Variants in PRDX1 observed in about 807,000 individuals in gnomAD.
PRDX1 encodes the protein peroxiredoxin 1.
A neutral mutation model predicts 20.7 loss-of-function variants in PRDX1; 19 were observed. The observed-to-expected ratio is 0.92, with a 90% CI of 0.64 to 1.35. The LOEUF is 1.35. PRDX1 is among the 40% of genes most tolerant of loss of function. The probability of loss-of-function intolerance (pLI) is 0.00; values close to 1 mark genes in which losing one functional copy is unlikely to be tolerated. For synonymous variants in PRDX1, 89 were observed against 83.9 expected (o/e 1.06, Z -0.33); for missense variants, 226 against 240.0 (o/e 0.94, Z 0.38).
intron 4 of PRDX1, 26 bp downstream of exon 4, chr1:45,514,847 A>T: frequency 5.6e-6 from 9 of 1,613,442 alleles, no homozygotes; most frequent in Non-Finnish European, 7.6e-6. Context: ...CTTTCAGCCA[A>T]CTGGATACTT....
chr1:45,521,296 C>T (rs1643910810), intron 1 of PRDX1, among the ~76,000 whole-genome samples: 2 of 152,322 alleles, frequency 1.3e-5, no homozygotes, highest in African/African-American at 4.8e-5. Context: ...CTGGAGAAAG[C>T]ACCAGCAGAG....
At chr1:45,518,737 T>C (rs1643882155) in intron 2 of PRDX1, among the ~76,000 whole-genome samples, 1 of 152,204 alleles carries the variant, frequency 6.6e-6, no homozygotes, top group Non-Finnish European at 1.5e-5. Flanking sequence ...GCATGTGGTT[T>C]CTCCAGAAGT....
At chr1:45,520,205 C>CAAAA (rs59260423) in intron 1 of PRDX1, among the ~76,000 whole-genome samples, 4 of 91,038 alleles carry the variant, frequency 4.4e-5, no homozygotes, top group Admixed American at 2.1e-4. Context: ...ACTCTGTCTC[C>CAAAA]AAAAAAAAAA....
chr1:45,516,405 C>A (rs1643862757), intron 2 of PRDX1, among the ~76,000 whole-genome samples: 1 of 152,128 alleles, frequency 6.6e-6, no homozygotes, highest in South Asian at 2.1e-4. Flanking sequence ...GGGAGGATCC[C>A]TTGACCCCAG....
rs1363177911 is a variant in PRDX1 at position 45,514,634 on chromosome 1, G to T, written c.387C>A (p.Gly129=). 1 of 1,613,632 alleles carries T rather than the reference G, an allele frequency of 6.2e-7. No homozygotes were observed. Among genetic ancestry groups the T allele is most frequent in the Admixed American group, 1.7e-5 (1 of 59,982 alleles). The change falls in exon 5 of 6, where the codon GGC becomes GGA. Residue 129 remains glycine, a synonymous_variant. Transcript: ENST00000319248. ...LKADEGISFR[G]LFIIDDKGIL... ...TACCCTTATCATCAATGATAAAAAG[G>T]CCCCTGGGAAAAGAGATGAAAGGAA...
At position 45,511,256 on chromosome 1, in the gene PRDX1, G is replaced by GAAA; in HGVS notation, c.*70_*72dup. ...TCTGAAGTCTTGTGTTTTACTAATG[G>GAAA]AAAAAAAAAATACAGAAGAGGTTTT... On this transcript the variant is annotated 3_prime_UTR_variant, in exon 6 of 6. Transcript: ENST00000319248. 1 of 1,180,616 alleles carries GAAA rather than the reference G, an allele frequency of 8.5e-7. No homozygotes were observed. Among genetic ancestry groups the GAAA allele is most frequent in the Admixed American group, 2.5e-5 (1 of 40,160 alleles). 73.1% of individuals were successfully genotyped at this position (1,180,616 alleles called of 1,614,324 possible).
At chr1:45,520,830 G>C (rs1643905227) in intron 1 of PRDX1, among the ~76,000 whole-genome samples, 1 of 151,994 alleles carries the variant, frequency 6.6e-6, no homozygotes, top group African/African-American at 2.4e-5. Flanking sequence ...CTTGAATTCG[G>C]GAGACAGGGG....
chr1:45,520,723 CAAAAAAA>C (rs71052895), intron 1 of PRDX1, among the ~76,000 whole-genome samples: 8 of 57,544 alleles, frequency 1.4e-4, no homozygotes, highest in African/African-American at 4.4e-4. Flanking sequence ...GACTCCGTCT[CAAAAAAA>C]AAAAAAAAAA....
intron 5 of PRDX1, 24 bp from the exon 6 acceptor site, chr1:45,511,438 T>C: frequency 6.3e-7 from 1 of 1,593,522 alleles, no homozygotes; most frequent in South Asian, 1.1e-5. Context: ...GCACCACTAA[T>C]TAATAACCTT....
At chr1:45,517,345 A>G (rs754822185) in intron 2 of PRDX1, among the ~76,000 whole-genome samples, 1 of 152,218 alleles carries the variant, frequency 6.6e-6, no homozygotes. Flanking sequence ...ACCACTGAGA[A>G]AAGGACACTT....
At chr1:45,517,067 A>G (rs1643868189) in intron 2 of PRDX1, among the ~76,000 whole-genome samples, 1 of 151,114 alleles carries the variant, frequency 6.6e-6, no homozygotes, top group African/African-American at 2.4e-5. Context: ...TTTGACATTT[A>G]CCACTTTGCA....
chr1:45,514,886 C>G lies in PRDX1; in HGVS notation c.370G>C (p.Gly124Arg), dbSNP rs765318513. 2 of 1,614,148 alleles carry G rather than the reference C, an allele frequency of 1.2e-6. No homozygotes were observed. Among genetic ancestry groups the G allele is most frequent in the African/African-American group, 2.7e-5 (2 of 75,056 alleles). Residue 124 changes from glycine to arginine, a missense_variant, in exon 4 of 6, where the codon GGC becomes CGC. Gly to Arg is a moderately radical substitution (Grantham distance 125). Transcript: ENST00000319248. Reference protein sequence around the residue: ...QDYGVLKADEGISFRGLFIID... With the variant: ...QDYGVLKADERISFRGLFIID... ...CTGATGACATACCTGAACGAGATGC[C>G]TTCATCAGCCTTTAAGACCCCATAA... is the stretch of plus-strand genomic sequence containing the variant.
At chr1:45,514,273 C>A (rs1016795380) in intron 5 of PRDX1, among the ~76,000 whole-genome samples, 6 of 152,152 alleles carry the variant, frequency 3.9e-5, no homozygotes, top group Admixed American at 1.3e-4. Context: ...TCCCCCTCTC[C>A]GAGAAACACC....
At chr1:45,515,402 A>G (rs1643839467) in intron 3 of PRDX1, among the ~76,000 whole-genome samples, 1 of 152,062 alleles carries the variant, frequency 6.6e-6, no homozygotes, top group Non-Finnish European at 1.5e-5. Flanking sequence ...GATCAAGAAC[A>G]TCCTGACTAA....
intron 1 of PRDX1, among the ~76,000 whole-genome samples, chr1:45,519,402 ACT>A (rs1231652371): frequency 6.6e-6 from 1 of 152,108 alleles, no homozygotes; most frequent in Non-Finnish European, 1.5e-5. Context: ...GCAGATGAAG[ACT>A]CTCAAACCAG....
chr1:45,520,836 A>G (rs1340441254), intron 1 of PRDX1, among the ~76,000 whole-genome samples: 1 of 149,220 alleles, frequency 6.7e-6, no homozygotes, highest in Non-Finnish European at 1.5e-5. Flanking sequence ...TTCGGGAGAC[A>G]GGGGTTGCAG....
chr1:45,521,191 T>C (rs1025233586), intron 1 of PRDX1, among the ~76,000 whole-genome samples: 1 of 152,066 alleles, frequency 6.6e-6, no homozygotes, highest in Non-Finnish European at 1.5e-5. Context: ...GCTGCTGGGA[T>C]TCAGGCCGCC....
At chr1:45,515,125 A>T (rs1291301723) in intron 3 of PRDX1, 130 bp from the exon 4 acceptor site, 1 of 1,312,756 alleles carries the variant, frequency 7.6e-7, no homozygotes, top group African/African-American at 1.5e-5. Flanking sequence ...TTCCAGCAAT[A>T]AAGTGAATGC....
chr1:45,518,773 G>A (rs763319066), intron 2 of PRDX1, among the ~76,000 whole-genome samples, 165 bp downstream of exon 2: 35 of 152,236 alleles, frequency 2.3e-4, no homozygotes, highest in Non-Finnish European at 4.1e-4. Flanking sequence ...TATATACCCT[G>A]TAATCACTTG....
Sources: gnomAD v4.1 joint callset for allele counts (sites outside exome capture counted in the v4.1 genomes callset) on GRCh38, gnomAD v4.1.1 for gene constraint, MANE v1.5 for transcripts, NCBI Gene and HGNC (gene_info 2026-07-23, HGNC 2026-07-21) for gene names.